The following LOC400499 variants were observed in gnomAD, a reference collection of about 807,000 sequenced individuals.
chr16:11,425,488 C>T, the LOC400499 span: 305 of 398,960 alleles, frequency 7.6e-4, 1 homozygote, highest in African/African-American at 5.8e-3. Context: ...AAATGAGCTG[C>T]TTTGGAGAGG....
the LOC400499 span, among the ~76,000 whole-genome samples, chr16:11,509,366 C>A: frequency 1.8e-4 from 27 of 150,360 alleles, no homozygotes; most frequent in African/African-American, 6.1e-4. Flanking sequence ...GATCCACCCA[C>A]CTCGGCCTCC....
chr16:11,385,158 CA>C, the LOC400499 span: 2 of 1,230,944 alleles, frequency 1.6e-6, no homozygotes, highest in Non-Finnish European at 2.0e-6. Flanking sequence ...GCCATGGGCA[CA>C]GGTCTCCAGG....
the LOC400499 span, among the ~76,000 whole-genome samples, chr16:11,474,381 C>G: frequency 6.6e-6 from 1 of 152,116 alleles, no homozygotes; most frequent in East Asian, 1.9e-4. Flanking sequence ...AACAACCTAC[C>G]CTTACCTCAC....
the LOC400499 span, chr16:11,475,847 AC>A: frequency 1.0e-5 from 4 of 389,636 alleles, no homozygotes. Flanking sequence ...TGGGCAGTGC[AC>A]ACGCTGGTGT....
the LOC400499 span, chr16:11,475,512 A>G: frequency 2.5e-6 from 1 of 396,068 alleles, no homozygotes; most frequent in Non-Finnish European, 4.4e-6. Context: ...GGTTTGCAGA[A>G]TATGAATACT....
At chr16:11,461,758 T>C in the LOC400499 span, among the ~76,000 whole-genome samples, 1 of 152,094 alleles carries the variant, frequency 6.6e-6, no homozygotes, top group Non-Finnish European at 1.5e-5. Context: ...CTTGGAATCT[T>C]CCGGAACACC....
the LOC400499 span, among the ~76,000 whole-genome samples, chr16:11,385,579 T>TC: frequency 6.6e-6 from 1 of 152,074 alleles, no homozygotes; most frequent in Non-Finnish European, 1.5e-5. Context: ...GGCCCAGGGA[T>TC]CCCCCACCGG....
the LOC400499 span, among the ~76,000 whole-genome samples, chr16:11,465,854 A>G: frequency 6.6e-6 from 1 of 151,736 alleles, no homozygotes; most frequent in African/African-American, 2.4e-5. Context: ...GGGAAGAGGA[A>G]AAGAGAGGGA....
the LOC400499 span, chr16:11,460,142 T>G: frequency 8.7e-7 from 1 of 1,153,456 alleles, no homozygotes; most frequent in Admixed American, 3.8e-5. Context: ...TCCAGGGATA[T>G]CAGCCTGGTT....
the LOC400499 span, chr16:11,425,189 C>G: frequency 2.5e-6 from 1 of 399,034 alleles, no homozygotes; most frequent in Admixed American, 4.4e-5. Context: ...GCCGGGGGCC[C>G]CAGGAGCAGG....
the LOC400499 span, among the ~76,000 whole-genome samples, chr16:11,419,497 C>T: frequency 6.6e-6 from 1 of 151,988 alleles, no homozygotes; most frequent in Non-Finnish European, 1.5e-5. Flanking sequence ...CCATAAAAAC[C>T]CTAGAAGAAA....
At chr16:11,439,915 G>C in the LOC400499 span, among the ~76,000 whole-genome samples, 2 of 151,892 alleles carry the variant, frequency 1.3e-5, no homozygotes, top group Non-Finnish European at 2.9e-5. Flanking sequence ...GGTTCACAAT[G>C]ACCACCTCAT....
chr16:11,471,427 G>C, the LOC400499 span: 2 of 379,174 alleles, frequency 5.3e-6, no homozygotes, highest in Admixed American at 4.5e-5. Flanking sequence ...GCTTCCCTGA[G>C]GAAGTGACCC....
chr16:11,503,605 G>T, the LOC400499 span, among the ~76,000 whole-genome samples: 1 of 152,202 alleles, frequency 6.6e-6, no homozygotes, highest in Admixed American at 6.5e-5. Context: ...CCTGCTGTGT[G>T]TGGCTGTGAC....
chr16:11,414,621 C>G, the LOC400499 span: 1 of 398,644 alleles, frequency 2.5e-6, no homozygotes, highest in Non-Finnish European at 4.4e-6. Flanking sequence ...AACACAACAC[C>G]AGCAGGAAAG....
chr16:11,517,088 C>G, the LOC400499 span, among the ~76,000 whole-genome samples: 1 of 152,174 alleles, frequency 6.6e-6, no homozygotes, highest in African/African-American at 2.4e-5. Flanking sequence ...CAGGGAGTTT[C>G]ATCCACCTGG....
chr16:11,384,727 G>C, the LOC400499 span, among the ~76,000 whole-genome samples: 6 of 152,242 alleles, frequency 3.9e-5, no homozygotes, highest in African/African-American at 1.4e-4. Context: ...AATGGCATGA[G>C]GCTAGATGAG....
At chr16:11,514,656 C>T in the LOC400499 span, 1 of 398,172 alleles carries the variant, frequency 2.5e-6, no homozygotes, top group East Asian at 3.6e-5. Flanking sequence ...CCCCCCATTC[C>T]CCACTCAGCG....
chr16:11,422,217 A>G, the LOC400499 span, among the ~76,000 whole-genome samples: 9 of 152,174 alleles, frequency 5.9e-5, no homozygotes, highest in Non-Finnish European at 1.3e-4. Context: ...CCTGGCCAAC[A>G]TGGTGAAACC....
Sources: allele counts gnomAD v4.1 joint callset (sites outside exome capture counted in the v4.1 genomes callset), GRCh38; gene constraint gnomAD v4.1.1; transcripts MANE v1.5.